The following MND1 variants were observed in gnomAD, a reference collection of about 807,000 sequenced individuals.
The protein encoded by MND1 is meiotic nuclear division protein 1 homolog.
MND1 carries 28 observed loss-of-function variants against 35.1 expected under a neutral mutation model. The ratio of observed to expected loss-of-function variants is 0.80; its 90% CI spans 0.59 to 1.09. MND1 has a LOEUF of 1.09. MND1 is among the 50% of genes least tolerant of loss of function. The probability of loss-of-function intolerance (pLI) is 0.00; values close to 1 mark genes in which losing one functional copy is unlikely to be tolerated. For missense variants in MND1, 213 were observed against 239.6 expected (o/e 0.89, Z 0.73); for synonymous variants, 69 against 70.5 (o/e 0.98, Z 0.11).
At chr4:153,366,006 G>T (rs1320125717) in intron 4 of MND1, among the ~76,000 whole-genome samples, 1 of 152,212 alleles carries the variant, frequency 6.6e-6, no homozygotes, top group Non-Finnish European at 1.5e-5. Context: ...AAAAATCAGT[G>T]TTACTAGGCC....
At chr4:153,362,021 GCT>G (rs1773508718) in intron 4 of MND1, among the ~76,000 whole-genome samples, 1 of 151,786 alleles carries the variant, frequency 6.6e-6, no homozygotes, top group South Asian at 2.1e-4. Context: ...AATTTTCTCA[GCT>G]CTCTTTCACT....
intron 4 of MND1, among the ~76,000 whole-genome samples, chr4:153,378,117 C>A (rs717044): frequency 2.0e-5 from 3 of 151,998 alleles, no homozygotes; most frequent in Non-Finnish European, 2.9e-5. Flanking sequence ...TGAGTGAATG[C>A]ATAAATCAAT....
intron 6 of MND1, among the ~76,000 whole-genome samples, chr4:153,407,295 C>T (rs527903689): frequency 1.3e-5 from 2 of 152,306 alleles, no homozygotes; most frequent in Non-Finnish European, 2.9e-5. Context: ...GAAACCCTAT[C>T]TCTACTAAAA....
At chr4:153,372,795 C>T (rs1450176782) in intron 4 of MND1, among the ~76,000 whole-genome samples, 1 of 152,000 alleles carries the variant, frequency 6.6e-6, no homozygotes, top group Non-Finnish European at 1.5e-5. Context: ...TTTATGTATT[C>T]ATTCATTTCT....
At chr4:153,350,008 G>A in intron 1 of MND1, 56 bp from the exon 2 acceptor site, 2 of 1,244,892 alleles carry the variant, frequency 1.6e-6, no homozygotes, top group South Asian at 1.3e-5. Context: ...TGCAAATCCA[G>A]TTGTTTTCAA....
chr4:153,383,534 CTT>C (rs1728766063), intron 4 of MND1, among the ~76,000 whole-genome samples: 1 of 152,182 alleles, frequency 6.6e-6, no homozygotes, highest in Admixed American at 6.5e-5. Flanking sequence ...CCTCCTCTCT[CTT>C]TCTCTCCTTT....
At chr4:153,347,359 G>A (rs1309424359) in intron 1 of MND1, among the ~76,000 whole-genome samples, 1 of 152,164 alleles carries the variant, frequency 6.6e-6, no homozygotes, top group African/African-American at 2.4e-5. Flanking sequence ...CTTCAAGCCA[G>A]GCAATACATG....
intron 4 of MND1, among the ~76,000 whole-genome samples, chr4:153,359,539 T>C (rs1456255458): frequency 6.6e-6 from 1 of 152,248 alleles, no homozygotes; most frequent in Non-Finnish European, 1.5e-5. Context: ...TCAACACATT[T>C]AGTACCAAGG....
chr4:153,406,936 G>A (rs930058911), intron 6 of MND1, among the ~76,000 whole-genome samples: 4 of 152,212 alleles, frequency 2.6e-5, no homozygotes, highest in Admixed American at 1.3e-4. Context: ...GGTGGCAGAC[G>A]AGAAGAGAGC....
intron 1 of MND1, among the ~76,000 whole-genome samples, chr4:153,346,657 A>T (rs1773082210): frequency 6.6e-6 from 1 of 152,204 alleles, no homozygotes; most frequent in Non-Finnish European, 1.5e-5. Flanking sequence ...CCTGAAAACA[A>T]GGTAAATGGA....
At chr4:153,360,387 G>A (rs1276946025) in intron 4 of MND1, among the ~76,000 whole-genome samples, 4 of 151,760 alleles carry the variant, frequency 2.6e-5, no homozygotes, top group African/African-American at 4.8e-5. Context: ...CTAAATAGTC[G>A]TGGCCAAATC....
rs1398970496 is a variant in MND1 at position 153,412,847 on chromosome 4, C to T, written c.512-1904C>T. ...TTGAGACGGAGTCTTGCTTTGTCGC[C>T]AGGCTGGAGTGTAGTGGTGCAATCT... On this transcript the variant is annotated intron_variant, in intron 7 of 7. Transcript: ENST00000240488. 1.1e-4 allele frequency among the ~76,000 whole-genome samples: 16 copies of T among 150,318 alleles called. No individual in the cohort carries two copies. The Admixed American group carries it at 1.1e-3, about 10-fold the overall frequency.
At chr4:153,389,118 G>A (rs1728949797) in intron 4 of MND1, among the ~76,000 whole-genome samples, 1 of 152,212 alleles carries the variant, frequency 6.6e-6, no homozygotes, top group Non-Finnish European at 1.5e-5. Flanking sequence ...AATAGGTGAA[G>A]CGTGCGGATC....
At chr4:153,414,014 C>T (rs967764022) in intron 7 of MND1, among the ~76,000 whole-genome samples, 1 of 152,096 alleles carries the variant, frequency 6.6e-6, no homozygotes, top group Non-Finnish European at 1.5e-5. Flanking sequence ...TGCTCCCCAC[C>T]CCCTCTCCCT....
chr4:153,354,628 A>T (rs181269248), intron 2 of MND1, among the ~76,000 whole-genome samples: 73 of 152,124 alleles, frequency 4.8e-4, no homozygotes, highest in African/African-American at 1.7e-3. Context: ...TCAGCCTCCC[A>T]TGTATCTAGG....
intron 4 of MND1, among the ~76,000 whole-genome samples, chr4:153,368,170 T>G (rs957240281): frequency 1.3e-5 from 2 of 152,212 alleles, no homozygotes; most frequent in African/African-American, 4.8e-5. Flanking sequence ...CCTGTCTTCA[T>G]GTTTTTTTGT....
intron 6 of MND1, among the ~76,000 whole-genome samples, chr4:153,400,210 T>C (rs1729311969): frequency 6.6e-6 from 1 of 151,982 alleles, no homozygotes; most frequent in African/African-American, 2.4e-5. Context: ...TGTTTGGCCT[T>C]TATCATTTTT....
At chr4:153,387,324 A>C (rs1728896878) in intron 4 of MND1, among the ~76,000 whole-genome samples, 2 of 152,090 alleles carry the variant, frequency 1.3e-5, no homozygotes, top group South Asian at 4.1e-4. Flanking sequence ...ATACCATGAA[A>C]TATGAACATT....
chr4:153,344,658 C>CA, upstream of MND1: 3 of 1,359,754 alleles, frequency 2.2e-6, no homozygotes, highest in South Asian at 4.0e-5. Flanking sequence ...TAGTCGGCGC[C>CA]AAAATCAAAC....
Sources: allele counts gnomAD v4.1 joint callset (sites outside exome capture counted in the v4.1 genomes callset), GRCh38; gene constraint gnomAD v4.1.1; transcripts MANE v1.5; gene names NCBI Gene and HGNC (gene_info 2026-07-23, HGNC 2026-07-21).